The following CCT3 variants were observed in gnomAD, a reference collection of about 807,000 sequenced individuals.
CCT3 encodes T-complex protein 1 subunit gamma.
In CCT3, 10 loss-of-function variants were observed where a neutral mutation model predicts 65.3. The ratio of observed to expected loss-of-function variants is 0.15; its 90% CI spans 0.09 to 0.26. The LOEUF is 0.26. Ranked by LOEUF, CCT3 falls within the 10% of genes least tolerant of loss-of-function variation. The pLI, the probability that CCT3 is intolerant of heterozygous loss-of-function variation, is 1.00. For missense variants in CCT3, 626 were observed against 708.7 expected (o/e 0.88, Z 1.33); for synonymous variants, 225 against 242.3 (o/e 0.93, Z 0.66).
Position 156,310,880 on chromosome 1 carries a change from A to C in CCT3, c.1401+70T>G, listed in dbSNP as rs10908500. 1.0e-5 allele frequency: 16 copies of C among 1,551,344 alleles called. No individual in the cohort carries two copies. In the South Asian group the frequency reaches 1.7e-4, roughly 16 times the overall value. On this transcript the variant is annotated intron_variant, in intron 12 of 13. Transcript: ENST00000295688. ...TAAAGAGAATTTGGATAGCCAGATA[A>C]GAATCTTCCCCTCAGGGCAAACACA...
intron 5 of CCT3, among the ~76,000 whole-genome samples, chr1:156,327,787 C>A (rs1215844286): frequency 1.3e-5 from 2 of 149,510 alleles, no homozygotes; most frequent in Non-Finnish European, 3.0e-5. Flanking sequence ...CCTGGCTGCC[C>A]AGTCTGGAAA....
intron 5 of CCT3, among the ~76,000 whole-genome samples, chr1:156,326,104 G>A (rs1356265865): frequency 6.6e-6 from 1 of 151,574 alleles, no homozygotes; most frequent in Non-Finnish European, 1.5e-5. Flanking sequence ...AGGCTAGGGT[G>A]AGCAGATCAC....
At chr1:156,325,638 C>T (rs570091115) in intron 5 of CCT3, among the ~76,000 whole-genome samples, 12 of 148,160 alleles carry the variant, frequency 8.1e-5, no homozygotes, top group African/African-American at 2.3e-4. Context: ...AGTGCGGTGG[C>T]GCAATCTCTG....
At chr1:156,309,654 G>T in intron 13 of CCT3, among the ~76,000 whole-genome samples, 1 of 151,852 alleles carries the variant, frequency 6.6e-6, no homozygotes. Context: ...TTGAACTCCT[G>T]ACCTCACGTG....
At chr1:156,327,107 T>G (rs1013351999) in intron 5 of CCT3, among the ~76,000 whole-genome samples, 1 of 152,148 alleles carries the variant, frequency 6.6e-6, no homozygotes, top group Admixed American at 6.5e-5. Context: ...AAATAACATA[T>G]ACATAGATGC....
intron 5 of CCT3, 29 bp from the exon 6 acceptor site, chr1:156,325,118 A>G (rs1251027033): frequency 2.0e-6 from 3 of 1,467,102 alleles, no homozygotes; most frequent in African/African-American, 1.4e-5. Flanking sequence ...CCATAGTAAT[A>G]TTTAAAGCAT....
chr1:156,334,667 C>T (rs1412896665), intron 4 of CCT3, 46 bp downstream of exon 4: 1 of 1,573,988 alleles, frequency 6.4e-7, no homozygotes, highest in Non-Finnish European at 8.7e-7. Context: ...TTTATGTTTA[C>T]AGAACTGTCA....
chr1:156,317,600 C>G (rs1664361414), intron 8 of CCT3, 53 bp from the exon 9 acceptor site: 1 of 1,562,320 alleles, frequency 6.4e-7, no homozygotes, highest in Admixed American at 1.7e-5. Context: ...TGGTGAAGCT[C>G]TAAGGGTCAT....
intron 8 of CCT3, among the ~76,000 whole-genome samples, 165 bp from the exon 9 acceptor site, chr1:156,317,712 C>CTT (rs1328262657): frequency 1.4e-5 from 2 of 141,852 alleles, no homozygotes; most frequent in African/African-American, 2.6e-5. Flanking sequence ...TTTAGTTTTG[C>CTT]TTTTTTTTTT....
chr1:156,311,942 A>T, intron 11 of CCT3, 99 bp downstream of exon 11: 1 of 862,366 alleles, frequency 1.2e-6, no homozygotes, highest in Non-Finnish European at 1.6e-6. Flanking sequence ...CAAATTAAAT[A>T]GCTATAAATG....
Position 156,312,253 on chromosome 1 carries a change from T to C in CCT3, c.975-32A>G, listed in dbSNP as rs751235705. ...GACGGAAGAGGTGGGGAGAATCAGA[T>C]GATTTCAGATACTTGTACCCATTTC... On this transcript the variant is annotated intron_variant, in intron 10 of 13. Transcript: ENST00000295688. 2.0e-5 allele frequency: 32 copies of C among 1,601,230 alleles called. No homozygotes were observed. The South Asian group carries it at 3.5e-4, about 17-fold the overall frequency.
chr1:156,327,115 T>C (rs1664848867), intron 5 of CCT3, among the ~76,000 whole-genome samples: 1 of 152,196 alleles, frequency 6.6e-6, no homozygotes, highest in Non-Finnish European at 1.5e-5. Context: ...TATACATAGA[T>C]GCAAACCCAC....
rs141928288 is a variant in CCT3, at chr1:156,325,542, T to C, written c.305-453A>G. Among the ~76,000 whole-genome samples the C allele has an allele frequency of 1.1e-3, 169 of 151,646 alleles. 1 individual carries two copies. In the South Asian group the frequency reaches 0.015, roughly 13 times the overall value. Reference sequence around the variant, plus strand: ...GACCCTATCTCAAAAAATAAAATGATGAAAGACTGATTCTAGGGCTTACTT... The same window carrying C: ...GACCCTATCTCAAAAAATAAAATGACGAAAGACTGATTCTAGGGCTTACTT... On this transcript the variant is annotated intron_variant, in intron 5 of 13. Transcript: ENST00000295688.
intron 1 of CCT3, 68 bp from the exon 2 acceptor site, chr1:156,335,956 C>A (rs1283178919): frequency 3.9e-6 from 5 of 1,272,802 alleles, no homozygotes; most frequent in Admixed American, 1.8e-5. Flanking sequence ...ATTTATTTCC[C>A]CGTCTTTGAA....
At position 156,334,914 on chromosome 1, in the gene CCT3, A is replaced by G; in HGVS notation, c.98T>C (p.Ile33Thr). ...CAAACATGTTCGGATGATATCTGCA[A>G]TAGTCTAATGGAAAGGGAACATAAA... The part of the protein sequence containing the change: ...QSGNINAAKT[I>T]ADIIRTCLGP... The change falls in exon 3 of 14, where the codon ATT (isoleucine) becomes ACT (threonine). Residue 33 changes from isoleucine (I) to threonine (T), a missense_variant. Transcript: ENST00000295688. The G allele has an allele frequency of 1.9e-6, 3 of 1,614,068 alleles. No homozygotes were observed. The South Asian group carries it at 3.3e-5, about 18-fold the overall frequency.
Position 156,309,205 on chromosome 1 carries a change from C to T in CCT3, c.1632G>A (p.Gln544=). Reference sequence around the variant, plus strand: ...AAGTAGCCTTGCCTAGCACTCACTCCTGGCCAGCATCAGGAGCCCCGCCTT... The same window carrying T: ...AAGTAGCCTTGCCTAGCACTCACTCTTGGCCAGCATCAGGAGCCCCGCCTT... ...SRQGGAPDAG[Q]E is the part of the protein sequence containing the mutation. The change falls in exon 14 of 14, where the codon CAG becomes CAA. Residue 544 remains glutamine, a synonymous_variant. Coordinates refer to ENST00000295688, the MANE Select transcript of CCT3 (RefSeq NM_005998.5). 2 of 1,609,718 alleles carry T rather than the reference C, an allele frequency of 1.2e-6. No homozygotes were observed. Among genetic ancestry groups the T allele is most frequent in the South Asian group, 2.2e-5 (2 of 91,010 alleles).
chr1:156,313,388 A>C (rs1484649545), intron 10 of CCT3, among the ~76,000 whole-genome samples: 1 of 150,464 alleles, frequency 6.6e-6, no homozygotes, highest in Non-Finnish European at 1.5e-5. Flanking sequence ...GAGAGAAATC[A>C]TTGAGGAGAA....
At position 156,337,054 on chromosome 1, in the gene CCT3, A is replaced by G. The variant is rs139191005; in HGVS notation, c.31+1100T>C. On this transcript the variant is annotated intron_variant, in intron 1 of 13. Transcript: ENST00000295688. ...CCAGGCTCTGCAGATGAGGTACAGA[A>G]GTTACACACAGAATGGAAACATACC... 166 of 1,282,848 alleles carry G rather than the reference A, an allele frequency of 1.3e-4. No individual in the cohort carries two copies. In the Middle Eastern group the frequency reaches 2.6e-3, roughly 20 times the overall value. 79.5% of individuals were successfully genotyped at this position (1,282,848 alleles called of 1,614,324 possible). A position where few individuals can be genotyped will look rare whatever the true frequency, so the allele number is the denominator to read the frequency against.
intron 11 of CCT3, among the ~76,000 whole-genome samples, chr1:156,311,811 A>C (rs541464451): frequency 6.6e-6 from 1 of 152,304 alleles, no homozygotes; most frequent in South Asian, 2.1e-4. Context: ...TATACTTAAC[A>C]TTACTGAACT....
Sources: gnomAD v4.1 joint callset for allele counts (sites outside exome capture counted in the v4.1 genomes callset) on GRCh38, gnomAD v4.1.1 for gene constraint, MANE v1.5 for transcripts, NCBI Gene and HGNC (gene_info 2026-07-23, HGNC 2026-07-21) for gene names.